Variants in ARHGAP15 observed in about 807,000 individuals in gnomAD.
ARHGAP15 encodes the protein Rho GTPase activating protein 15.
A neutral mutation model predicts 63.7 loss-of-function variants in ARHGAP15; 51 were observed. The ratio of observed to expected loss-of-function variants is 0.80; its 90% confidence interval spans 0.64 to 1.01. The LOEUF (loss-of-function observed/expected upper bound fraction) is 1.01. Ranked by LOEUF, ARHGAP15 falls within the 50% of genes least tolerant of loss-of-function variation. ARHGAP15 has a pLI of 0.00. For missense variants in ARHGAP15, 560 were observed against 564.6 expected (o/e 0.99, Z 0.08); for synonymous variants, 191 against 193.8 (o/e 0.99, Z 0.12).
intron 5 of ARHGAP15, among the ~76,000 whole-genome samples, chr2:143,249,473 T>C (rs1301179375): frequency 6.6e-6 from 1 of 152,154 alleles, no homozygotes; most frequent in Non-Finnish European, 1.5e-5. Context: ...ATGTTCATAA[T>C]GTTAAAAACA....
intron 12 of ARHGAP15, among the ~76,000 whole-genome samples, chr2:143,670,541 A>T (rs903286878): frequency 6.6e-6 from 1 of 152,180 alleles, no homozygotes; most frequent in African/African-American, 2.4e-5. Flanking sequence ...AGCCTGACAG[A>T]GTAAGGGACC....
intron 11 of ARHGAP15, among the ~76,000 whole-genome samples, chr2:143,592,049 A>G (rs1198962772): frequency 6.6e-6 from 1 of 152,192 alleles, no homozygotes; most frequent in Non-Finnish European, 1.5e-5. Flanking sequence ...TATTAAATTC[A>G]ATGTTTCCTG....
chr2:143,381,200 A>T (rs1175851568), intron 6 of ARHGAP15, among the ~76,000 whole-genome samples: 1 of 152,148 alleles, frequency 6.6e-6, no homozygotes, highest in Non-Finnish European at 1.5e-5. Flanking sequence ...TATATGGCCT[A>T]CAAAGAGTTG....
chr2:143,459,707 A>G (rs1004523020), intron 8 of ARHGAP15, among the ~76,000 whole-genome samples: 5 of 152,206 alleles, frequency 3.3e-5, no homozygotes, highest in African/African-American at 7.2e-5. Flanking sequence ...AAGAAAACTA[A>G]AAGTCTGAAT....
intron 3 of ARHGAP15, among the ~76,000 whole-genome samples, chr2:143,213,958 A>G (rs895877547): frequency 6.6e-6 from 1 of 152,206 alleles, no homozygotes; most frequent in African/African-American, 2.4e-5. Context: ...GTCTGGGGAA[A>G]TGTTACTTAT....
chr2:143,346,174 T>TCTCTCACACACACA (rs1558909414), intron 6 of ARHGAP15, among the ~76,000 whole-genome samples: 3 of 41,014 alleles, frequency 7.3e-5, no homozygotes, highest in African/African-American at 5.6e-4. Flanking sequence ...ACACACACAC[T>TCTCTCACACACACA]CTCTCTCTCA....
intron 12 of ARHGAP15, among the ~76,000 whole-genome samples, chr2:143,694,848 A>G (rs1167945837): frequency 6.6e-6 from 1 of 152,218 alleles, no homozygotes; most frequent in African/African-American, 2.4e-5. Flanking sequence ...TGCCTTCTTC[A>G]AAAACAATAT....
chr2:143,752,436 T>C (rs1455885438), intron 13 of ARHGAP15, among the ~76,000 whole-genome samples: 5 of 152,206 alleles, frequency 3.3e-5, no homozygotes, highest in African/African-American at 1.2e-4. Flanking sequence ...AATGTCCTAA[T>C]TCACCACCAG....
chr2:143,644,548 A>G (rs1680774755), intron 12 of ARHGAP15, among the ~76,000 whole-genome samples: 1 of 151,994 alleles, frequency 6.6e-6, no homozygotes, highest in Non-Finnish European at 1.5e-5. Context: ...ATGCCAAAGG[A>G]CCATACTTGG....
chr2:143,551,183 C>A (rs1233122212), intron 10 of ARHGAP15, among the ~76,000 whole-genome samples: 2 of 152,166 alleles, frequency 1.3e-5, no homozygotes. Flanking sequence ...CAGGGCCTCA[C>A]TCTGTCCACC....
chr2:143,683,507 C>G (rs545334065), intron 12 of ARHGAP15, among the ~76,000 whole-genome samples: 1 of 151,964 alleles, frequency 6.6e-6, no homozygotes, highest in Non-Finnish European at 1.5e-5. Context: ...ATTACTAATT[C>G]TGTTCAGTTC....
intron 1 of ARHGAP15, among the ~76,000 whole-genome samples, chr2:143,153,391 T>A (rs1451097635): frequency 2.0e-5 from 3 of 151,968 alleles, no homozygotes; most frequent in African/African-American, 7.2e-5. Context: ...TTCATACTTA[T>A]TGAAAAAAAC....
intron 11 of ARHGAP15, among the ~76,000 whole-genome samples, chr2:143,561,282 C>T (rs1696008134): frequency 6.6e-6 from 1 of 152,078 alleles, no homozygotes; most frequent in African/African-American, 2.4e-5. Flanking sequence ...CCTCTTTCAC[C>T]CTTTGAAAAA....
At chr2:143,203,976 GTTCTCCATTTCACAAGTC>G (rs1692226090) in intron 3 of ARHGAP15, among the ~76,000 whole-genome samples, 3 of 152,010 alleles carry the variant, frequency 2.0e-5, no homozygotes, top group Admixed American at 1.3e-4. Flanking sequence ...GCCCAAACCC[GTTCTCCATTTCACAAGTC>G]TTCTCCATTT....
chr2:143,635,462 C>T (rs993060092), intron 12 of ARHGAP15, among the ~76,000 whole-genome samples: 3 of 152,070 alleles, frequency 2.0e-5, no homozygotes, highest in African/African-American at 7.2e-5. Context: ...CTTGTCCTTT[C>T]TCCAGCCCTC....
chr2:143,673,781 T>TATATAGATAGATAG (rs1339149290), intron 12 of ARHGAP15, among the ~76,000 whole-genome samples: 1 of 120,348 alleles, frequency 8.3e-6, no homozygotes, highest in Admixed American at 9.5e-5. Flanking sequence ...TATATATATA[T>TATATAGATAGATAG]ATAAACAACT....
chr2:143,693,777 T>C (rs1488927655), intron 12 of ARHGAP15, among the ~76,000 whole-genome samples: 2 of 152,232 alleles, frequency 1.3e-5, no homozygotes, highest in Non-Finnish European at 2.9e-5. Flanking sequence ...GGAGGAATCT[T>C]CTACTCCATT....
intron 9 of ARHGAP15, among the ~76,000 whole-genome samples, chr2:143,488,610 A>G (rs77778869): frequency 6.6e-6 from 1 of 152,184 alleles, no homozygotes; most frequent in Non-Finnish European, 1.5e-5. Flanking sequence ...AGAAATCGAG[A>G]GGTGATTTAA....
At chr2:143,667,657 T>G (rs2105341136) in intron 12 of ARHGAP15, among the ~76,000 whole-genome samples, 1 of 151,356 alleles carries the variant, frequency 6.6e-6, no homozygotes, top group African/African-American at 2.4e-5. Flanking sequence ...AAAATGCAAT[T>G]TATCATAATT....
Sources: allele counts gnomAD v4.1 joint callset (sites outside exome capture counted in the v4.1 genomes callset), GRCh38; gene constraint gnomAD v4.1.1; transcripts MANE v1.5; gene names NCBI Gene and HGNC (gene_info 2026-07-23, HGNC 2026-07-21).